The following ESRP1 variants were observed in gnomAD, a reference collection of about 807,000 sequenced individuals.
ESRP1 encodes RNA-binding motif protein 35A.
A neutral mutation model predicts 81.7 loss-of-function variants in ESRP1; 33 were observed. That is an observed-to-expected ratio of 0.40 (90% confidence interval 0.31 to 0.54). The LOEUF (loss-of-function observed/expected upper bound fraction) is 0.54, where lower values mean the gene tolerates loss of function less well. Ranked by LOEUF, ESRP1 falls within the 20% of genes least tolerant of loss-of-function variation. The probability of loss-of-function intolerance (pLI) is 0.41; values close to 1 mark genes in which losing one functional copy is unlikely to be tolerated. For missense variants in ESRP1, 672 were observed against 833.1 expected (o/e 0.81, Z 2.38); for synonymous variants, 320 against 303.3 (o/e 1.06, Z -0.57).
At chr8:94,692,183 T>C (rs777091230) in intron 13 of ESRP1, among the ~76,000 whole-genome samples, 92 of 152,210 alleles carry the variant, frequency 6.0e-4, no homozygotes, top group Non-Finnish European at 1.0e-3. Context: ...TACTTTGATT[T>C]GCTGTAGTAC....
chr8:94,673,047 C>T (rs1819411241), intron 11 of ESRP1, among the ~76,000 whole-genome samples: 1 of 152,220 alleles, frequency 6.6e-6, no homozygotes. Flanking sequence ...CAGAAACCAT[C>T]CTGAGCCCTT....
chr8:94,673,481 G>A (rs1819433768), intron 11 of ESRP1, among the ~76,000 whole-genome samples: 1 of 152,176 alleles, frequency 6.6e-6, no homozygotes, highest in Non-Finnish European at 1.5e-5. Flanking sequence ...GAGACTTATT[G>A]AGAAAACCAT....
intron 11 of ESRP1, 90 bp downstream of exon 11, chr8:94,671,761 A>T: frequency 2.5e-6 from 2 of 786,174 alleles, no homozygotes; most frequent in Non-Finnish European, 3.8e-6. Flanking sequence ...ATCTATTAGA[A>T]ATATCTAATA....
intron 3 of ESRP1, among the ~76,000 whole-genome samples, chr8:94,644,952 C>T (rs770226299): frequency 2.6e-5 from 4 of 152,128 alleles, no homozygotes; most frequent in South Asian, 2.1e-4. Flanking sequence ...ATTCATACGG[C>T]GTAAGCCTTT....
At chr8:94,685,797 A>C (rs58422141) in intron 13 of ESRP1, among the ~76,000 whole-genome samples, 4 of 151,488 alleles carry the variant, frequency 2.6e-5, no homozygotes, top group Non-Finnish European at 1.5e-5. Context: ...AAAAAAAAAA[A>C]CCAACAAAAA....
At chr8:94,704,767 A>AAAG (rs1809993436) in intron 15 of ESRP1, among the ~76,000 whole-genome samples, 1 of 10,028 alleles carries the variant, frequency 1.0e-4, no homozygotes, top group Non-Finnish European at 1.9e-4. Flanking sequence ...TCTCTTTTTG[A>AAAG]AAAAAAAAAA....
intron 13 of ESRP1, among the ~76,000 whole-genome samples, chr8:94,680,399 AG>A (rs1460040823): frequency 6.6e-6 from 1 of 152,174 alleles, no homozygotes; most frequent in Non-Finnish European, 1.5e-5. Context: ...CATATGCCAA[AG>A]ATGTTTTATA....
intron 4 of ESRP1, among the ~76,000 whole-genome samples, chr8:94,659,656 A>C (rs1343974199): frequency 6.6e-6 from 1 of 152,256 alleles, no homozygotes; most frequent in Non-Finnish European, 1.5e-5. Context: ...GGCCTTATGC[A>C]CCAAATGATT....
chr8:94,676,001 T>G (rs1819568046), intron 12 of ESRP1, among the ~76,000 whole-genome samples: 4 of 152,212 alleles, frequency 2.6e-5, no homozygotes, highest in African/African-American at 9.6e-5. Flanking sequence ...TTTGTTAACT[T>G]ACTTTCTTAA....
chr8:94,698,970 G>A (rs1428205921), intron 15 of ESRP1, among the ~76,000 whole-genome samples: 1 of 151,866 alleles, frequency 6.6e-6, no homozygotes, highest in African/African-American at 2.4e-5. Flanking sequence ...GGTGGTAATG[G>A]GTGTTCTCTA....
chr8:94,695,117 CT>C (rs1339822283), intron 14 of ESRP1, among the ~76,000 whole-genome samples: 1 of 152,084 alleles, frequency 6.6e-6, no homozygotes, highest in Non-Finnish European at 1.5e-5. Context: ...GGGGTTCCAT[CT>C]TCTTTAGATT....
chr8:94,677,247 T>C (rs557625094), intron 12 of ESRP1, among the ~76,000 whole-genome samples: 12 of 152,324 alleles, frequency 7.9e-5, no homozygotes, highest in African/African-American at 2.6e-4. Context: ...GAGATTTTTA[T>C]GGGAAAAAGT....
At chr8:94,667,867 C>A in intron 9 of ESRP1, 82 bp from the exon 10 acceptor site, 1 of 1,196,392 alleles carries the variant, frequency 8.4e-7, no homozygotes, top group Non-Finnish European at 1.2e-6. Flanking sequence ...AAGACATTGG[C>A]AGGACTTTTA....
chr8:94,683,808 C>G (rs1387487096), intron 13 of ESRP1, among the ~76,000 whole-genome samples: 1 of 152,198 alleles, frequency 6.6e-6, no homozygotes, highest in Admixed American at 6.5e-5. Context: ...TAAGGGAGAA[C>G]AACTGCCGTG....
At position 94,662,525 on chromosome 8, in the gene ESRP1, G is replaced by C; in HGVS notation, c.614G>C (p.Arg205Thr). 1 of 1,609,206 alleles carries C rather than the reference G, an allele frequency of 6.2e-7. No homozygotes were observed. The highest frequency in any genetic ancestry group is 8.5e-7 in the Non-Finnish European group (1 of 1,177,638). The change falls in exon 6 of 16, where the codon AGA (arginine) becomes ACA (threonine). Residue 205 changes from arginine (R) to threonine (T), a missense_variant. By Grantham distance (71) the Arg-to-Thr change is moderately conservative. Transcript: ENST00000433389. ...GATCACAGGTTTTCAGATCCAGAGA[G>C]AGTGAATTACAAGTTTGAAAGTGGA... is the stretch of plus-strand genomic sequence containing the variant. ...PYNHRFSDPE[R>T]VNYKFESGTC...
chr8:94,676,444 G>A (rs556204808), intron 12 of ESRP1, among the ~76,000 whole-genome samples: 45 of 151,112 alleles, frequency 3.0e-4, no homozygotes, highest in Admixed American at 8.6e-4. Flanking sequence ...CCTTTGTTTT[G>A]AAGCTGAACA....
At chr8:94,684,320 C>G (rs1453136097) in intron 13 of ESRP1, among the ~76,000 whole-genome samples, 1 of 152,162 alleles carries the variant, frequency 6.6e-6, no homozygotes. Context: ...CCTGGAGAAG[C>G]CTGTATGGAC....
At chr8:94,683,022 G>C (rs1808985618) in intron 13 of ESRP1, among the ~76,000 whole-genome samples, 1 of 128,238 alleles carries the variant, frequency 7.8e-6, no homozygotes, top group African/African-American at 3.0e-5. Flanking sequence ...TCAGCTCACT[G>C]CAGCCTCCGC....
intron 4 of ESRP1, among the ~76,000 whole-genome samples, chr8:94,652,513 G>A (rs950527202): frequency 1.3e-5 from 2 of 151,526 alleles, no homozygotes; most frequent in Admixed American, 6.6e-5. Context: ...GATCCCTTAC[G>A]GAAATTAATA....
Sources: gnomAD v4.1 joint callset for allele counts (sites outside exome capture counted in the v4.1 genomes callset) on GRCh38, gnomAD v4.1.1 for gene constraint, MANE v1.5 for transcripts, NCBI Gene and HGNC (gene_info 2026-07-23, HGNC 2026-07-21) for gene names.